Variants in PDE8A observed in about 807,000 individuals in gnomAD.
PDE8A encodes the protein phosphodiesterase 8A.
Under a neutral mutation model 105.0 loss-of-function variants are expected in PDE8A, and 59 were observed. The ratio of observed to expected loss-of-function variants is 0.56; its 90% CI spans 0.46 to 0.70. The LOEUF is 0.70. PDE8A is among the 30% of genes least tolerant of loss of function. The pLI is 0.00. For synonymous variants in PDE8A, 355 were observed against 371.9 expected (o/e 0.95, Z 0.52); for missense variants, 1,014 against 1,045.9 (o/e 0.97, Z 0.42).
At chr15:85,090,912 C>T in intron 7 of PDE8A, 132 bp from the exon 8 acceptor site, 1 of 722,324 alleles carries the variant, frequency 1.4e-6, no homozygotes, top group Non-Finnish European at 2.4e-6. Context: ...TCACAACTGC[C>T]ACGGTGAGGT....
chr15:85,112,086 C>T (rs888091683), intron 12 of PDE8A, among the ~76,000 whole-genome samples: 3 of 152,168 alleles, frequency 2.0e-5, no homozygotes, highest in Admixed American at 2.0e-4. Flanking sequence ...TTTATAGATT[C>T]TTCTGGGCTT....
At chr15:85,099,904 G>A (rs1346347637) in intron 9 of PDE8A, 111 bp from the exon 10 acceptor site, 1 of 785,778 alleles carries the variant, frequency 1.3e-6, no homozygotes, top group East Asian at 2.4e-5. Context: ...TGTTCTCAGA[G>A]CGTTTTGTGT....
intron 1 of PDE8A, among the ~76,000 whole-genome samples, chr15:85,025,413 G>T (rs1452130576): frequency 6.7e-6 from 1 of 149,856 alleles, no homozygotes; most frequent in Non-Finnish European, 1.5e-5. Flanking sequence ...TGAATTTCCT[G>T]TTTTTTCCAG....
intron 18 of PDE8A, among the ~76,000 whole-genome samples, chr15:85,122,092 T>G (rs1205331912): frequency 6.6e-6 from 1 of 152,188 alleles, no homozygotes; most frequent in Non-Finnish European, 1.5e-5. Context: ...TGTTTACATG[T>G]CACTTCCTTG....
At chr15:85,024,402 T>C (rs1468800729) in intron 1 of PDE8A, among the ~76,000 whole-genome samples, 1 of 152,236 alleles carries the variant, frequency 6.6e-6, no homozygotes, top group African/African-American at 2.4e-5. Flanking sequence ...TAGGTGACTT[T>C]CTTTTGTCAG....
chr15:85,106,084 A>G (rs1414427580), intron 11 of PDE8A, among the ~76,000 whole-genome samples: 1 of 152,180 alleles, frequency 6.6e-6, no homozygotes, highest in Non-Finnish European at 1.5e-5. Flanking sequence ...ACTTTGAAAC[A>G]GTCAAGTAGA....
chr15:85,030,385 T>C (rs1371227823), intron 1 of PDE8A, among the ~76,000 whole-genome samples: 5 of 152,072 alleles, frequency 3.3e-5, no homozygotes, highest in Non-Finnish European at 7.4e-5. Flanking sequence ...GTCACTAGTT[T>C]CCTTTTCCTG....
Position 85,030,888 on chromosome 15 carries a change from C to T in PDE8A, c.187-33482C>T, listed in dbSNP as rs12593868. On this transcript the variant is annotated intron_variant, in intron 1 of 21. Coordinates refer to ENST00000394553, the MANE Select transcript of PDE8A (RefSeq NM_002605.3). ...TTTCAGTCACACTCTCTACAAGTTC[C>T]TGTTGTTAAACATTCACAAAGTGTT... 6.5e-4 allele frequency among the ~76,000 whole-genome samples: 99 copies of T among 152,318 alleles called. No individual in the cohort carries two copies. In the East Asian group the frequency reaches 0.016, roughly 24 times the overall value.
chr15:85,038,409 T>C (rs1480323698), intron 1 of PDE8A, among the ~76,000 whole-genome samples: 1 of 152,232 alleles, frequency 6.6e-6, no homozygotes, highest in Non-Finnish European at 1.5e-5. Flanking sequence ...GAAATCTAAC[T>C]TATCAGTCTT....
At chr15:85,000,677 A>T (rs1209948054) in intron 1 of PDE8A, among the ~76,000 whole-genome samples, 2 of 152,160 alleles carry the variant, frequency 1.3e-5, no homozygotes, top group Admixed American at 1.3e-4. Flanking sequence ...CAAGCATGGC[A>T]TGTGAACTGG....
chr15:85,037,495 G>C (rs2080727803), intron 1 of PDE8A, among the ~76,000 whole-genome samples: 2 of 152,170 alleles, frequency 1.3e-5, no homozygotes, highest in African/African-American at 4.8e-5. Context: ...AGTTTTGCCT[G>C]ATTTGAACTT....
intron 1 of PDE8A, among the ~76,000 whole-genome samples, chr15:85,023,503 A>G (rs886272519): frequency 3.3e-5 from 5 of 152,186 alleles, no homozygotes; most frequent in East Asian, 1.9e-4. Context: ...TTATGACTCC[A>G]TGGTGGTCTA....
chr15:85,031,335 T>C (rs2080611702), intron 1 of PDE8A, among the ~76,000 whole-genome samples: 1 of 152,180 alleles, frequency 6.6e-6, no homozygotes, highest in African/African-American at 2.4e-5. Context: ...TATAACACCA[T>C]CTTACCAGAT....
At chr15:85,005,441 T>A (rs946879228) in intron 1 of PDE8A, among the ~76,000 whole-genome samples, 2 of 152,190 alleles carry the variant, frequency 1.3e-5, no homozygotes, top group African/African-American at 4.8e-5. Flanking sequence ...TTTAATATTT[T>A]GAGTTAAATA....
At chr15:84,993,645 C>G (rs1249372685) in intron 1 of PDE8A, among the ~76,000 whole-genome samples, 1 of 151,648 alleles carries the variant, frequency 6.6e-6, no homozygotes, top group Non-Finnish European at 1.5e-5. Flanking sequence ...TTTGGGAGGA[C>G]AAGATGGGAG....
intron 20 of PDE8A, among the ~76,000 whole-genome samples, chr15:85,130,745 A>G (rs181910004): frequency 7.2e-5 from 11 of 152,332 alleles, no homozygotes; most frequent in African/African-American, 2.6e-4. Flanking sequence ...TTTGATGCTT[A>G]TATGCTTATA....
chr15:85,075,376 G>A (rs975606330), intron 3 of PDE8A, among the ~76,000 whole-genome samples: 1 of 152,100 alleles, frequency 6.6e-6, no homozygotes, highest in African/African-American at 2.4e-5. Context: ...TGGTTATTTA[G>A]CCTCCATTTT....
chr15:84,986,441 A>G (rs549761070), intron 1 of PDE8A, among the ~76,000 whole-genome samples: 11 of 151,726 alleles, frequency 7.2e-5, no homozygotes, highest in African/African-American at 2.7e-4. Flanking sequence ...CTCCCGTCCC[A>G]CTTCCATCTT....
rs921145078 is a variant in PDE8A, at chr15:84,982,442, C to T, written c.186+94C>T. 3.6e-5 allele frequency: 26 copies of T among 721,600 alleles called. No individual in the cohort carries two copies. In the African/African-American group the frequency reaches 4.6e-4, roughly 13 times the overall value. The allele number at this position is 721,600 out of a possible 1,614,324, so 44.7% of individuals were successfully genotyped here. On this transcript the variant is annotated intron_variant, in intron 1 of 21. Coordinates refer to ENST00000394553, the MANE Select transcript of PDE8A (RefSeq NM_002605.3). ...GGGGCCGGGCGGGGTCCCCCCCACCCGGCCTCGGTGCCCTCTTGTCCCGCT... is the reference window on the plus strand; with the variant it reads ...GGGGCCGGGCGGGGTCCCCCCCACCTGGCCTCGGTGCCCTCTTGTCCCGCT...
Sources: gnomAD v4.1 joint callset for allele counts (sites outside exome capture counted in the v4.1 genomes callset) on GRCh38, gnomAD v4.1.1 for gene constraint, MANE v1.5 for transcripts, NCBI Gene and HGNC (gene_info 2026-07-23, HGNC 2026-07-21) for gene names.